KALRN: variants seen among roughly 807,000 people sequenced by gnomAD.
The protein encoded by KALRN is kalirin RhoGEF kinase.
A neutral mutation model predicts 353.7 loss-of-function variants in KALRN; 70 were observed. The observed-to-expected ratio is 0.20, with a 90% CI of 0.16 to 0.24. KALRN has a LOEUF of 0.24. Ranked by LOEUF, KALRN falls within the 10% of genes least tolerant of loss-of-function variation. KALRN has a pLI of 1.00. For synonymous variants in KALRN, 1,391 were observed against 1,434.8 expected, an observed-to-expected ratio of 0.97 and a Z score of 0.69; for missense variants, 2,791 against 3,756.7, an observed-to-expected ratio of 0.74 and a Z score of 6.72.
At chr3:124,224,157 T>G (rs1230271840) in intron 1 of KALRN, among the ~76,000 whole-genome samples, 1 of 104,096 alleles carries the variant, frequency 9.6e-6, no homozygotes, top group African/African-American at 4.9e-5. Flanking sequence ...CCTGATTTTG[T>G]TTTTTTTTTT....
chr3:124,709,275 A>T (rs1311050816), intron 57 of KALRN, among the ~76,000 whole-genome samples: 1 of 152,076 alleles, frequency 6.6e-6, no homozygotes, highest in East Asian at 1.9e-4. Context: ...TTAAAATTTT[A>T]TTTTTATTTA....
chr3:124,200,009 G>A (rs902104798), intron 1 of KALRN, among the ~76,000 whole-genome samples: 13 of 152,162 alleles, frequency 8.5e-5, no homozygotes, highest in Non-Finnish European at 8.8e-5. Context: ...CCCCATGACC[G>A]ATCCTCTTCT....
At chr3:124,303,221 A>G (rs1285272683) in intron 6 of KALRN, among the ~76,000 whole-genome samples, 2 of 152,182 alleles carry the variant, frequency 1.3e-5, no homozygotes, top group African/African-American at 4.8e-5. Flanking sequence ...AAATTGGTTG[A>G]TCTTTAGATT....
At chr3:124,434,798 A>G (rs2093405697) in intron 17 of KALRN, among the ~76,000 whole-genome samples, 1 of 152,232 alleles carries the variant, frequency 6.6e-6, no homozygotes, top group Non-Finnish European at 1.5e-5. Context: ...TAAATGCTAG[A>G]TTTGGGCAGT....
chr3:124,036,328 G>A (rs2039415793), intron 1 of KALRN, among the ~76,000 whole-genome samples: 1 of 152,028 alleles, frequency 6.6e-6, no homozygotes, highest in Non-Finnish European at 1.5e-5. Context: ...TTGGTTTTTT[G>A]TTCCTGCGTT....
chr3:124,103,823 G>C (rs1040665636), intron 1 of KALRN, among the ~76,000 whole-genome samples: 16 of 152,116 alleles, frequency 1.1e-4, no homozygotes, highest in African/African-American at 3.4e-4. Flanking sequence ...GGGTGTGACG[G>C]CATACAACTA....
intron 32 of KALRN, among the ~76,000 whole-genome samples, chr3:124,495,965 G>GTATATGTATATATATATATA (rs2063708073): frequency 2.4e-5 from 1 of 41,478 alleles, no homozygotes; most frequent in Non-Finnish European, 3.9e-5. Flanking sequence ...GTGTATGTAT[G>GTATATGTATATATATATATA]TATATATATA....
chr3:124,491,031 A>G (rs2063103651), intron 30 of KALRN, 147 bp downstream of exon 30: 1 of 721,662 alleles, frequency 1.4e-6, no homozygotes, highest in Non-Finnish European at 2.2e-6. Context: ...CTATTTGGAA[A>G]GCACCCCACT....
At chr3:124,080,548 A>G (rs528877690) in intron 1 of KALRN, among the ~76,000 whole-genome samples, 1 of 152,320 alleles carries the variant, frequency 6.6e-6, no homozygotes, top group Non-Finnish European at 1.5e-5. Context: ...TGCATGCAGC[A>G]TGTCCTGGAA....
At chr3:124,585,421 C>T (rs2075068385) in intron 34 of KALRN, among the ~76,000 whole-genome samples, 1 of 152,142 alleles carries the variant, frequency 6.6e-6, no homozygotes. Context: ...TTTTTTCTGC[C>T]TGGGTTTTCA....
At chr3:124,531,863 T>G (rs1038309321) in intron 33 of KALRN, among the ~76,000 whole-genome samples, 4 of 152,136 alleles carry the variant, frequency 2.6e-5, no homozygotes, top group Admixed American at 6.5e-5. Flanking sequence ...CTACCCTAAT[T>G]TCTACTCACC....
chr3:124,115,413 A>C (rs2149538272), intron 1 of KALRN, among the ~76,000 whole-genome samples: 1 of 152,158 alleles, frequency 6.6e-6, no homozygotes, highest in East Asian at 1.9e-4. Context: ...GATTGTTTCG[A>C]TATGTTCTCT....
chr3:124,191,152 T>A (rs929829559), intron 1 of KALRN, among the ~76,000 whole-genome samples: 1 of 152,252 alleles, frequency 6.6e-6, no homozygotes, highest in Admixed American at 6.5e-5. Context: ...ATGTCATTTC[T>A]GGGTGTGCCA....
At position 124,269,179 on chromosome 3, in the gene KALRN, A is replaced by G. The variant is rs2073885436; in HGVS notation, c.893A>G (p.His298Arg). The change falls in exon 5 of 60, where the codon CAC becomes CGC. Residue 298 changes from histidine to arginine, a missense_variant. His to Arg is a conservative substitution (Grantham distance 29). Around this residue, in one of 11 missense-constraint regions of KALRN, gnomAD observed 366 missense variants for 489.2 expected, o/e 0.75. Transcript: ENST00000682506. ...DKLHSTRQHL[H>R]QMWHVRKLKL... The stretch of plus-strand genomic sequence containing the variant: ...CTGCACTCCACCCGGCAGCACCTGC[A>G]CCAGATGTGGCATGTGCGCAAGCTC... The G allele has an allele frequency of 6.2e-7, 1 of 1,612,934 alleles. No individual in the cohort carries two copies. Among genetic ancestry groups the G allele is most frequent in the Admixed American group, 1.7e-5 (1 of 60,014 alleles).
chr3:124,633,408 T>A (rs545244427), intron 35 of KALRN, among the ~76,000 whole-genome samples: 1 of 152,334 alleles, frequency 6.6e-6, no homozygotes, highest in East Asian at 1.9e-4. Context: ...TAATCACTGA[T>A]GTGGCTAAGA....
In KALRN at chr3:124,722,566, T is replaced by G. The variant is rs1217419144; in HGVS notation, c.*3096T>G. The G allele has an allele frequency of 6.6e-6, 1 of 152,156 alleles. No individual in the cohort carries two copies. Among genetic ancestry groups the G allele is most frequent in the Non-Finnish European group, 1.5e-5 (1 of 68,032 alleles). The allele number at this position is 152,156 out of a possible 1,614,324, so 9.4% of individuals were successfully genotyped here. On this transcript the variant is annotated 3_prime_UTR_variant, in exon 60 of 60. Coordinates refer to ENST00000682506, the MANE Select transcript of KALRN (RefSeq NM_001388419.1). ...GAGAGTAGTCTTGGTTCAAGAGTTC[T>G]CCACAGCAAGTTGGAAATAACAAGG...
At chr3:124,284,985 G>T (rs2075697316) in intron 5 of KALRN, among the ~76,000 whole-genome samples, 1 of 152,132 alleles carries the variant, frequency 6.6e-6, no homozygotes, top group South Asian at 2.1e-4. Flanking sequence ...TAAGACAGCT[G>T]CCAGTTGTAA....
At chr3:124,425,335 A>G (rs917585434) in intron 15 of KALRN, among the ~76,000 whole-genome samples, 2 of 152,370 alleles carry the variant, frequency 1.3e-5, no homozygotes, top group South Asian at 4.1e-4. Flanking sequence ...TGCACTACAC[A>G]TTGTATATCT....
intron 1 of KALRN, among the ~76,000 whole-genome samples, chr3:124,035,916 C>A (rs1297170666): frequency 6.6e-6 from 1 of 152,166 alleles, no homozygotes; most frequent in Admixed American, 6.5e-5. Flanking sequence ...TGACTGATGA[C>A]CTGTAACATG....
Sources: allele counts gnomAD v4.1 joint callset (sites outside exome capture counted in the v4.1 genomes callset), GRCh38; gene constraint gnomAD v4.1.1; regional missense constraint gnomAD v4.1.1; transcripts MANE v1.5; gene names NCBI Gene and HGNC (gene_info 2026-07-23, HGNC 2026-07-21).